Variants in ZNF160 observed in about 807,000 individuals in gnomAD.
ZNF160 encodes KRAB zinc finger protein KR18.
A neutral mutation model predicts 13.1 loss-of-function variants in ZNF160; 9 were observed. The ratio of observed to expected loss-of-function variants is 0.69; its 90% CI spans 0.41 to 1.20. ZNF160 has a LOEUF of 1.20. ZNF160 is among the 50% of genes most tolerant of loss of function. ZNF160 has a pLI of 0.01. For synonymous variants in ZNF160, 293 were observed against 333.2 expected, an observed-to-expected ratio of 0.88 and a Z score of 1.31; for missense variants, 838 against 988.0, an observed-to-expected ratio of 0.85 and a Z score of 2.04.
At chr19:53,076,230 T>C (rs1301555592) in intron 3 of ZNF160, among the ~76,000 whole-genome samples, 1 of 152,212 alleles carries the variant, frequency 6.6e-6, no homozygotes, top group Non-Finnish European at 1.5e-5. Flanking sequence ...GCAATAAGTA[T>C]ACAAATAAAA....
intron 1 of ZNF160, among the ~76,000 whole-genome samples, chr19:53,095,202 T>C (rs1387943483): frequency 1.0e-5 from 1 of 100,242 alleles, no homozygotes; most frequent in Admixed American, 1.1e-4. Context: ...CCCACAGCAG[T>C]TCCACCCTCC....
intron 3 of ZNF160, among the ~76,000 whole-genome samples, chr19:53,081,317 G>A (rs1381937069): frequency 6.6e-6 from 1 of 152,084 alleles, no homozygotes; most frequent in African/African-American, 2.4e-5. Flanking sequence ...ACTATCAACA[G>A]AGTAAACAAT....
At chr19:53,099,219 G>A (rs920609103) in intron 1 of ZNF160, among the ~76,000 whole-genome samples, 9 of 151,982 alleles carry the variant, frequency 5.9e-5, no homozygotes, top group Non-Finnish European at 5.9e-5. Flanking sequence ...AGATGGGGGT[G>A]CAAGAGGGTG....
At chr19:53,097,391 C>T (rs1179137182) in intron 1 of ZNF160, among the ~76,000 whole-genome samples, 2 of 147,794 alleles carry the variant, frequency 1.4e-5, no homozygotes, top group Non-Finnish European at 3.0e-5. Context: ...TTAGGATCCC[C>T]GTTGCCCTCT....
chr19:53,081,903 T>G (rs1474559874), intron 3 of ZNF160, among the ~76,000 whole-genome samples: 1 of 152,170 alleles, frequency 6.6e-6, no homozygotes, highest in African/African-American at 2.4e-5. Context: ...AAAGAAAATA[T>G]AGTAGACATA....
rs1600826705 is a variant in ZNF160, at chr19:53,075,265, G to A, written c.16-82C>T. 8 of 1,553,580 alleles carry A rather than the reference G, an allele frequency of 5.1e-6. No individual in the cohort carries two copies. The East Asian group carries it at 1.6e-4, about 31-fold the overall frequency. On this transcript the variant is annotated intron_variant, in intron 3 of 5. Transcript: ENST00000683776. Reference sequence around the variant, plus strand: ...TAAAAGGAGAAGAGGAGAAAAATGTGAGAATAGGTTAAATTGAAGTGGGTG... The same window carrying A: ...TAAAAGGAGAAGAGGAGAAAAATGTAAGAATAGGTTAAATTGAAGTGGGTG...
intron 1 of ZNF160, 46 bp from the exon 2 acceptor site, chr19:53,091,766 G>A (rs1301343637): frequency 6.6e-6 from 1 of 152,260 alleles, no homozygotes; most frequent in Non-Finnish European, 1.5e-5. Flanking sequence ...AACTGAATGA[G>A]ATGCAAACTA....
At chr19:53,088,898 A>T (rs992971158) in intron 2 of ZNF160, among the ~76,000 whole-genome samples, 7 of 152,218 alleles carry the variant, frequency 4.6e-5, no homozygotes, top group African/African-American at 1.7e-4. Context: ...GTCGCACAGG[A>T]CTGCCCTCAC....
chr19:53,068,328 T>A lies in ZNF160; in HGVS notation c.2206A>T (p.Asn736Tyr), dbSNP rs757644053. The A allele has an allele frequency of 1.2e-6, 2 of 1,613,988 alleles. No homozygotes were observed. Among genetic ancestry groups the A allele is most frequent in the Admixed American group, 3.3e-5 (2 of 59,988 alleles). ...TGAGTAAAGACCTTGCCACATTCAT[T>A]ACATTTGTAAGGTTTTTTCCCAGTA... ...IHTGKKPYKC[N>Y]ECGKVFTQNA... The change falls in exon 6 of 6, where the codon AAT becomes TAT. Residue 736 changes from asparagine (N) to tyrosine (Y), a missense_variant. Physicochemically the swap from Asn to Tyr is moderately radical, Grantham distance 143 (BLOSUM62 -2). Transcript: ENST00000683776.
intron 3 of ZNF160, among the ~76,000 whole-genome samples, chr19:53,078,012 C>T (rs188899612): frequency 8.7e-4 from 133 of 152,186 alleles, no homozygotes; most frequent in African/African-American, 3.0e-3. Flanking sequence ...GAGGCTAAGG[C>T]GGGCGGATCA....
At chr19:53,078,037 C>T (rs543960526) in intron 3 of ZNF160, among the ~76,000 whole-genome samples, 7 of 152,060 alleles carry the variant, frequency 4.6e-5, no homozygotes, top group Non-Finnish European at 7.4e-5. Context: ...GTCAGAAGTT[C>T]GAGACCAGCC....
chr19:53,094,343 C>T (rs1266383999), intron 1 of ZNF160, among the ~76,000 whole-genome samples: 2 of 152,116 alleles, frequency 1.3e-5, no homozygotes, highest in Non-Finnish European at 2.9e-5. Context: ...ATGTTCCGAT[C>T]GTTGTCACTA....
chr19:53,075,144 G>A lies in ZNF160; in HGVS notation c.55C>T (p.Gln19Ter). Residue 19 changes from glutamine (Q) to a stop codon, truncating the protein, a stop_gained, in exon 4 of 6, where the codon CAG (glutamine) becomes TAG (stop). Transcript: ENST00000683776. LOFTEE classifies it high-confidence loss of function. ...GGGTCCAGGCATTTCCACTCCTCCT[G>A]AGAGAATTCTATGGCCACATCCCTA... ...TFRDVAIEFSQEEWKCLDPAQ... is the reference protein window; with the variant it reads ...TFRDVAIEFS 6.2e-7 allele frequency: 1 copy of A among 1,614,172 alleles called. No individual in the cohort carries two copies. The highest frequency in any genetic ancestry group is 8.5e-7 in the Non-Finnish European group (1 of 1,180,032).
chr19:53,068,071 C>T lies in ZNF160; in HGVS notation c.*6G>A, dbSNP rs756526275. The T allele has an allele frequency of 1.6e-5, 25 of 1,592,346 alleles. No individual in the cohort carries two copies. In the South Asian group the frequency reaches 2.9e-4, roughly 18 times the overall value. On this transcript the variant is annotated 3_prime_UTR_variant, in exon 6 of 6. Coordinates refer to ENST00000683776, the MANE Select transcript of ZNF160 (RefSeq NM_001322131.2). ...GAGTGAATTGTACCTAATGACCTCA[C>T]CACACTCATTTGTAAGGTTTCTCTC...
At chr19:53,098,885 C>T (rs982071424) in intron 1 of ZNF160, among the ~76,000 whole-genome samples, 3 of 150,846 alleles carry the variant, frequency 2.0e-5, no homozygotes, top group Admixed American at 1.3e-4. Flanking sequence ...CTTTTCAGGC[C>T]TCAGTGAGGC....
intron 1 of ZNF160, among the ~76,000 whole-genome samples, chr19:53,099,063 A>G (rs77469750): frequency 1.4e-5 from 2 of 145,676 alleles, no homozygotes; most frequent in East Asian, 4.0e-4. Flanking sequence ...ACAACCCCAG[A>G]GCAGGTGCTG....
intron 1 of ZNF160, among the ~76,000 whole-genome samples, chr19:53,094,266 G>A (rs1265641203): frequency 2.0e-5 from 3 of 152,070 alleles, no homozygotes; most frequent in Admixed American, 6.6e-5. Flanking sequence ...TCCTTGAAAC[G>A]CCCCTGGACC....
intron 3 of ZNF160, chr19:53,086,033 G>C (rs923027817): frequency 4.5e-5 from 64 of 1,424,580 alleles, no homozygotes; most frequent in Non-Finnish European, 1.7e-5. Flanking sequence ...TCCATGTCTG[G>C]GTGTGAGCCC....
chr19:53,074,644 C>T lies in ZNF160; in HGVS notation c.143-376G>A, dbSNP rs371229130. 3.5e-4 allele frequency among the ~76,000 whole-genome samples: 49 copies of T among 141,234 alleles called. No individual in the cohort carries two copies. In the East Asian group the frequency reaches 8.6e-3, roughly 25 times the overall value. 92.7% of individuals were successfully genotyped at this position (141,234 alleles called of 152,430 possible). On this transcript the variant is annotated intron_variant, in intron 4 of 5. Coordinates refer to ENST00000683776, the MANE Select transcript of ZNF160 (RefSeq NM_001322131.2). ...TAGATCACGCCACTGCACTCCAGCCCGGGCGACAGAGCGAGACTCCGCCTC... is the reference window on the plus strand; with the variant it reads ...TAGATCACGCCACTGCACTCCAGCCTGGGCGACAGAGCGAGACTCCGCCTC...
Sources: allele counts gnomAD v4.1 joint callset (sites outside exome capture counted in the v4.1 genomes callset), GRCh38; gene constraint gnomAD v4.1.1; transcripts MANE v1.5; gene names NCBI Gene and HGNC (gene_info 2026-07-23, HGNC 2026-07-21).